GPHN: variants seen among roughly 807,000 people sequenced by gnomAD.
The protein encoded by GPHN is gephyrin.
GPHN carries 17 observed loss-of-function variants against 95.5 expected under a neutral mutation model. That is an observed-to-expected ratio of 0.18 (90% CI 0.12 to 0.27). GPHN has a LOEUF of 0.27. GPHN is among the 10% of genes least tolerant of loss of function. The pLI, the probability that GPHN is intolerant of heterozygous loss-of-function variation, is 1.00. For missense variants in GPHN, 660 were observed against 978.1 expected (o/e 0.67, Z 4.34); for synonymous variants, 320 against 322.5 (o/e 0.99, Z 0.08).
chr14:66,875,444 A>C (rs1022094704), intron 4 of GPHN, among the ~76,000 whole-genome samples: 1 of 152,030 alleles, frequency 6.6e-6, no homozygotes, highest in African/African-American at 2.4e-5. Flanking sequence ...AATGCCCCCA[A>C]TTAAAAGACA....
the GPHN span, chr14:67,201,539 T>G: frequency 5.5e-5 from 25 of 455,858 alleles, no homozygotes; most frequent in African/African-American, 4.4e-4. Flanking sequence ...CTGAGAAACG[T>G]TTTCCAGGGT....
At chr14:67,490,760 C>T in the GPHN span, among the ~76,000 whole-genome samples, 1 of 152,150 alleles carries the variant, frequency 6.6e-6, no homozygotes, top group East Asian at 1.9e-4. Context: ...CAGGCAAATA[C>T]TACCTCTGTT....
At chr14:67,088,509 G>C (rs2076998868) in intron 11 of GPHN, among the ~76,000 whole-genome samples, 1 of 152,024 alleles carries the variant, frequency 6.6e-6, no homozygotes, top group South Asian at 2.1e-4. Flanking sequence ...TCTTATTTAA[G>C]TACCTATATT....
intron 1 of GPHN, among the ~76,000 whole-genome samples, chr14:66,526,156 T>G (rs926200471): frequency 3.3e-5 from 5 of 152,190 alleles, no homozygotes; most frequent in African/African-American, 1.2e-4. Context: ...CCTCTCTTAT[T>G]TCCTTGAGCA....
chr14:66,742,099 ACT>A (rs1185245218), intron 2 of GPHN, among the ~76,000 whole-genome samples: 2 of 152,158 alleles, frequency 1.3e-5, no homozygotes, highest in Non-Finnish European at 2.9e-5. Flanking sequence ...ATGTCAAAAC[ACT>A]CTAACAACAC....
intron 4 of GPHN, among the ~76,000 whole-genome samples, chr14:66,829,479 C>G (rs768576245): frequency 6.6e-6 from 1 of 152,100 alleles, no homozygotes; most frequent in Non-Finnish European, 1.5e-5. Context: ...GATTATGAAA[C>G]TCATTTCTAT....
chr14:66,560,241 A>G (rs890037183), intron 1 of GPHN, among the ~76,000 whole-genome samples: 5 of 152,098 alleles, frequency 3.3e-5, no homozygotes, highest in South Asian at 2.1e-4. Context: ...TTGGTTCCAT[A>G]TGAACTTTAA....
the GPHN span, among the ~76,000 whole-genome samples, chr14:67,327,839 T>C: frequency 6.6e-6 from 1 of 152,230 alleles, no homozygotes; most frequent in African/African-American, 2.4e-5. Context: ...TTTGGCTGCA[T>C]AGTATTCCAT....
At chr14:67,651,243 C>T in the GPHN span, 2 of 1,498,712 alleles carry the variant, frequency 1.3e-6, no homozygotes, top group Admixed American at 2.3e-5. Flanking sequence ...TTCATCTTTC[C>T]TCCCTCCTCC....
At chr14:66,674,627 A>G (rs1018874776) in intron 1 of GPHN, among the ~76,000 whole-genome samples, 5 of 152,188 alleles carry the variant, frequency 3.3e-5, no homozygotes, top group Non-Finnish European at 7.3e-5. Flanking sequence ...ATTGCTGTGT[A>G]TGAATGCATT....
At chr14:66,820,820 G>A (rs1376053726) in intron 3 of GPHN, among the ~76,000 whole-genome samples, 1 of 151,964 alleles carries the variant, frequency 6.6e-6, no homozygotes, top group African/African-American at 2.4e-5. Context: ...TGTTGCTTGT[G>A]GAGGTTTTTC....
chr14:66,539,659 G>A (rs1461758130), intron 1 of GPHN, among the ~76,000 whole-genome samples: 1 of 151,992 alleles, frequency 6.6e-6, no homozygotes, highest in East Asian at 1.9e-4. Flanking sequence ...GACCTCAGGT[G>A]ATCTGCTCAC....
At chr14:67,654,991 T>A in the GPHN span, among the ~76,000 whole-genome samples, 5 of 127,774 alleles carry the variant, frequency 3.9e-5, no homozygotes, top group Admixed American at 4.0e-4. Context: ...ATTGCGCCAC[T>A]GCACTCCAGC....
the GPHN span, among the ~76,000 whole-genome samples, chr14:67,235,309 G>A: frequency 1.3e-5 from 2 of 152,092 alleles, no homozygotes; most frequent in Non-Finnish European, 2.9e-5. Flanking sequence ...TAATTTTATA[G>A]CCCTTTTCAA....
chr14:67,200,621 G>T, the GPHN span: 1 of 186,004 alleles, frequency 5.4e-6, no homozygotes. Flanking sequence ...GTACTAGTGT[G>T]AGCTACCCAC....
intron 21 of GPHN, among the ~76,000 whole-genome samples, chr14:67,170,865 A>G (rs181587675): frequency 6.6e-6 from 1 of 152,236 alleles, no homozygotes; most frequent in African/African-American, 2.4e-5. Flanking sequence ...GATAAGTCTT[A>G]TCTCTCCTTT....
At chr14:67,299,799 G>A in the GPHN span, among the ~76,000 whole-genome samples, 23,496 of 152,042 alleles carry the variant, frequency 0.15, 3,416 homozygotes, top group East Asian at 0.42. Context: ...GGAATAGGGA[G>A]AAAATCTCTA....
chr14:67,573,238 A>T, the GPHN span: 1 of 1,325,584 alleles, frequency 7.5e-7, no homozygotes, highest in African/African-American at 1.4e-5. This position sits in a 1 kb window ranked among gnomAD's most constrained non-coding sequence, Gnocchi z 4.8. Flanking sequence ...GCCCTGAGTG[A>T]TTTCCCCTTT....
At chr14:67,703,641 T>C in the GPHN span, among the ~76,000 whole-genome samples, 48 of 152,298 alleles carry the variant, frequency 3.2e-4, no homozygotes, top group Middle Eastern at 3.4e-3. Context: ...TGGGCCATAA[T>C]ATGTATCTAG....
Sources: allele counts gnomAD v4.1 joint callset (sites outside exome capture counted in the v4.1 genomes callset), GRCh38; gene constraint gnomAD v4.1.1; non-coding constraint Gnocchi (gnomAD v3.1); transcripts MANE v1.5; gene names NCBI Gene and HGNC (gene_info 2026-07-23, HGNC 2026-07-21).